USP15: variants seen among roughly 807,000 people sequenced by gnomAD.
USP15 encodes ubiquitin specific peptidase 15, also known as ubiquitin carboxyl-terminal hydrolase 15.
A neutral mutation model predicts 127.1 loss-of-function variants in USP15; 18 were observed. The observed-to-expected ratio is 0.14, with a 90% CI of 0.10 to 0.21. The LOEUF is 0.21. USP15 is among the 10% of genes least tolerant of loss of function. The pLI, the probability that USP15 is intolerant of heterozygous loss-of-function variation, is 1.00. For synonymous variants in USP15, 364 were observed against 393.7 expected, an observed-to-expected ratio of 0.92 and a Z score of 0.89; for missense variants, 805 against 1,159.9, an observed-to-expected ratio of 0.69 and a Z score of 4.44.
chr12:62,356,500 T>A (rs1195963839), intron 8 of USP15, among the ~76,000 whole-genome samples: 1 of 151,962 alleles, frequency 6.6e-6, no homozygotes, highest in Non-Finnish European at 1.5e-5. Context: ...TTAGAATCTG[T>A]CATACACTAT....
chr12:62,307,984 A>T (rs2064536389), intron 3 of USP15, among the ~76,000 whole-genome samples: 1 of 152,192 alleles, frequency 6.6e-6, no homozygotes, highest in Middle Eastern at 3.4e-3. Flanking sequence ...GTTCTATTTT[A>T]TTATTAGCTA....
intron 6 of USP15, among the ~76,000 whole-genome samples, chr12:62,333,067 A>G (rs1199728112): frequency 6.6e-6 from 1 of 152,206 alleles, no homozygotes; most frequent in Non-Finnish European, 1.5e-5. Flanking sequence ...GTTTGCATTT[A>G]TAACTGCGAA....
intron 6 of USP15, among the ~76,000 whole-genome samples, chr12:62,333,437 G>C (rs2065362974): frequency 6.6e-6 from 1 of 151,850 alleles, no homozygotes; most frequent in South Asian, 2.1e-4. Context: ...GCTAATTTTT[G>C]GGTTTTTTTG....
intron 20 of USP15, among the ~76,000 whole-genome samples, chr12:62,397,357 A>C (rs1312056998): frequency 1.3e-5 from 2 of 152,230 alleles, no homozygotes; most frequent in African/African-American, 4.8e-5. Context: ...AAAGCCATCT[A>C]GGCTTTGCAG....
chr12:62,321,080 A>G (rs1180878379), intron 4 of USP15, among the ~76,000 whole-genome samples: 1 of 152,132 alleles, frequency 6.6e-6, no homozygotes, highest in African/African-American at 2.4e-5. Flanking sequence ...AATTTTGCAC[A>G]CTAAAAAAAA....
chr12:62,327,536 T>C, intron 6 of USP15: 1 of 362,782 alleles, frequency 2.8e-6, no homozygotes. Flanking sequence ...AATTACAAAA[T>C]TGTTTGTGGA....
At chr12:62,261,882 T>G (rs2063072407) in intron 1 of USP15, among the ~76,000 whole-genome samples, 2 of 152,198 alleles carry the variant, frequency 1.3e-5, no homozygotes, top group African/African-American at 4.8e-5. Flanking sequence ...TAGAAATCCC[T>G]AAGGATGTAA....
intron 8 of USP15, among the ~76,000 whole-genome samples, chr12:62,370,520 T>C (rs2066627860): frequency 6.6e-6 from 1 of 152,178 alleles, no homozygotes; most frequent in African/African-American, 2.4e-5. Context: ...GATAAGAAAC[T>C]TCGTAGTTTC....
chr12:62,308,849 C>A (rs539891694), intron 3 of USP15, among the ~76,000 whole-genome samples: 1 of 152,122 alleles, frequency 6.6e-6, no homozygotes, highest in African/African-American at 2.4e-5. Flanking sequence ...ACCTGATTAT[C>A]CCCCAACTAT....
At chr12:62,343,840 C>T (rs1223530274) in intron 6 of USP15, among the ~76,000 whole-genome samples, 1 of 152,164 alleles carries the variant, frequency 6.6e-6, no homozygotes, top group Non-Finnish European at 1.5e-5. Flanking sequence ...TCTATTTGGC[C>T]ATCTTGGCCC....
intron 8 of USP15, among the ~76,000 whole-genome samples, chr12:62,359,792 A>T (rs563379526): frequency 1.2e-4 from 19 of 152,250 alleles, no homozygotes; most frequent in African/African-American, 3.4e-4. Context: ...AGAATTGTTT[A>T]TGAATATTCT....
intron 9 of USP15, among the ~76,000 whole-genome samples, chr12:62,382,169 A>G (rs2067009114): frequency 6.6e-6 from 1 of 152,086 alleles, no homozygotes; most frequent in South Asian, 2.1e-4. Flanking sequence ...TGTACTTTCA[A>G]TATAGTTCTT....
At chr12:62,353,434 T>A (rs918021700) in intron 7 of USP15, among the ~76,000 whole-genome samples, 4 of 152,022 alleles carry the variant, frequency 2.6e-5, no homozygotes, top group African/African-American at 9.7e-5. Flanking sequence ...TATATACTTA[T>A]GGAATGAGCA....
intron 1 of USP15, among the ~76,000 whole-genome samples, chr12:62,284,593 A>AAC (rs755406235): frequency 1.5e-3 from 234 of 152,312 alleles, no homozygotes; most frequent in Non-Finnish European, 1.8e-3. Flanking sequence ...ATAGAAAAGA[A>AAC]ACACTAGAAT....
intron 1 of USP15, among the ~76,000 whole-genome samples, chr12:62,267,691 A>G (rs564733988): frequency 6.6e-6 from 1 of 152,272 alleles, no homozygotes; most frequent in Non-Finnish European, 1.5e-5. Flanking sequence ...TACCAGTAGC[A>G]AGGACTTCTT....
intron 3 of USP15, among the ~76,000 whole-genome samples, chr12:62,311,239 AC>A (rs2064670209): frequency 6.6e-6 from 1 of 151,930 alleles, no homozygotes; most frequent in East Asian, 1.9e-4. Context: ...CCTAGTAAGA[AC>A]TGTGTTTTTC....
intron 2 of USP15, among the ~76,000 whole-genome samples, chr12:62,300,585 G>A (rs1370628978): frequency 1.6e-5 from 2 of 122,418 alleles, no homozygotes; most frequent in Non-Finnish European, 3.6e-5. Flanking sequence ...CCAGATTAGA[G>A]AATCCAGAAA....
At position 62,416,221 on chromosome 12, in the gene USP15, C is replaced by G. The variant is rs2137729412; in HGVS notation, c.*11846C>G. On this transcript the variant is annotated 3_prime_UTR_variant, in exon 22 of 22. Transcript: ENST00000280377. ...CAAGACTTGCTCCAAAATGCACTTG[C>G]TAGATCTTCTGACATCAACTGCCAC... The G allele has an allele frequency of 6.6e-6, 1 of 152,366 alleles. No homozygotes were observed. The highest frequency in any genetic ancestry group is 1.9e-4 in the East Asian group (1 of 5,190). 9.4% of individuals were successfully genotyped at this position (152,366 alleles called of 1,614,324 possible).
intron 2 of USP15, chr12:62,294,680 A>G (rs1021478985): frequency 1.4e-4 from 22 of 161,216 alleles, no homozygotes; most frequent in South Asian, 3.4e-4. Context: ...GAGAAATGCT[A>G]TGTCACATAT....
Sources: gnomAD v4.1 joint callset for allele counts (sites outside exome capture counted in the v4.1 genomes callset) on GRCh38, gnomAD v4.1.1 for gene constraint, MANE v1.5 for transcripts, NCBI Gene and HGNC (gene_info 2026-07-23, HGNC 2026-07-21) for gene names.